SLC13A3: variants seen among roughly 807,000 people sequenced by gnomAD.
The protein encoded by SLC13A3 is solute carrier family 13 member 3.
SLC13A3 carries 40 observed loss-of-function variants against 59.0 expected under a neutral mutation model. The ratio of observed to expected loss-of-function variants is 0.68; its 90% CI spans 0.53 to 0.88. The LOEUF is 0.88. Ranked by LOEUF, SLC13A3 falls within the 40% of genes least tolerant of loss-of-function variation. The probability of loss-of-function intolerance (pLI) is 0.00; values close to 1 mark genes in which losing one functional copy is unlikely to be tolerated. For missense variants in SLC13A3, 699 were observed against 783.2 expected (o/e 0.89, Z 1.28); for synonymous variants, 317 against 330.3 (o/e 0.96, Z 0.44).
chr20:46,588,224 A>G (rs1448507848), intron 7 of SLC13A3, 61 bp from the exon 8 acceptor site: 1 of 1,048,158 alleles, frequency 9.5e-7, no homozygotes, highest in African/African-American at 1.6e-5. Flanking sequence ...CGCAGCAGGC[A>G]CAGGCTCAGG....
intron 1 of SLC13A3, among the ~76,000 whole-genome samples, chr20:46,618,398 G>C (rs757658481): frequency 6.6e-6 from 1 of 152,228 alleles, no homozygotes; most frequent in African/African-American, 2.4e-5. Context: ...CAGCCAGTGG[G>C]GTCTGAGAAG....
chr20:46,563,716 G>T (rs1165863038), intron 11 of SLC13A3, among the ~76,000 whole-genome samples, 165 bp from the exon 12 acceptor site: 8 of 152,142 alleles, frequency 5.3e-5, no homozygotes, highest in African/African-American at 1.7e-4. Context: ...GAGAACAACA[G>T]GGACAAGTGA....
chr20:46,675,256 G>T (rs991471010), intron 1 of SLC13A3, among the ~76,000 whole-genome samples: 28 of 151,954 alleles, frequency 1.8e-4, no homozygotes, highest in African/African-American at 6.5e-4. Flanking sequence ...AGGAGATGGA[G>T]TCTCACTCTG....
At chr20:46,585,528 T>C in intron 8 of SLC13A3, 1 of 1,034,466 alleles carries the variant, frequency 9.7e-7, no homozygotes, top group Non-Finnish European at 1.2e-6. Context: ...TGAGGTATAA[T>C]TAACATGCAA....
At chr20:46,606,605 G>A (rs1482992999) in intron 3 of SLC13A3, among the ~76,000 whole-genome samples, 1 of 152,194 alleles carries the variant, frequency 6.6e-6, no homozygotes, top group Non-Finnish European at 1.5e-5. Context: ...TTGGGAGGCC[G>A]AGGCTAGAGG....
chr20:46,654,532 T>A (rs116669107), upstream of SLC13A3, among the ~76,000 whole-genome samples: 850 of 151,592 alleles, frequency 5.6e-3, 4 homozygotes, highest in African/African-American at 0.02. Context: ...TCAGGTATAA[T>A]TTTTTTTTCT....
At chr20:46,652,123 A>G (rs1180556298), upstream of SLC13A3, among the ~76,000 whole-genome samples, 1 of 152,208 alleles carries the variant, frequency 6.6e-6, no homozygotes, top group Non-Finnish European at 1.5e-5. Flanking sequence ...GGATCAGGAA[A>G]AATAACTAAT....
intron 1 of SLC13A3, among the ~76,000 whole-genome samples, chr20:46,638,267 T>C (rs2122843400): frequency 6.6e-6 from 1 of 152,296 alleles, no homozygotes; most frequent in Admixed American, 6.5e-5. Flanking sequence ...CAGAGAATTC[T>C]GAGCGGGGCC....
intron 11 of SLC13A3, among the ~76,000 whole-genome samples, chr20:46,564,872 A>T (rs2061965978): frequency 6.6e-6 from 1 of 152,260 alleles, no homozygotes; most frequent in Non-Finnish European, 1.5e-5. Flanking sequence ...CTGTCCATTT[A>T]TAATGGAATA....
At chr20:46,631,088 A>T (rs780197891) in intron 1 of SLC13A3, among the ~76,000 whole-genome samples, 3 of 152,238 alleles carry the variant, frequency 2.0e-5, no homozygotes, top group Non-Finnish European at 2.9e-5. Context: ...TACTTAAAAT[A>T]TGAGAGTCAG....
At position 46,583,660 on chromosome 20, in the gene SLC13A3, A is replaced by G. The variant is rs199709604; in HGVS notation, c.1131T>C (p.Ser377=). Residue 377 remains serine, a synonymous_variant, in exon 9 of 13, where the codon TCT becomes TCC. Transcript: ENST00000279027. ...WASLFNPGFL[S]DAVTGVAIVT... is the part of the protein sequence containing the mutation. ...CAATAGCCACGCCGGTGACAGCATC[A>G]GAAAGAAACCTACAATGAGAAGGCC... 5.0e-6 allele frequency: 8 copies of G among 1,614,176 alleles called. No individual in the cohort carries two copies. The East Asian group carries it at 1.3e-4, about 27-fold the overall frequency.
intron 9 of SLC13A3, chr20:46,582,639 G>A (rs1267280831): frequency 1.1e-5 from 11 of 984,842 alleles, no homozygotes; most frequent in African/African-American, 5.3e-5. Context: ...AACTGTTTAT[G>A]GAGCTTGCAA....
chr20:46,588,418 C>T (rs973325156), intron 7 of SLC13A3, among the ~76,000 whole-genome samples: 2 of 152,070 alleles, frequency 1.3e-5, no homozygotes, highest in Non-Finnish European at 2.9e-5. Flanking sequence ...TCCCCGAAAT[C>T]GCGTGTTTCA....
intron 1 of SLC13A3, among the ~76,000 whole-genome samples, chr20:46,661,521 T>C (rs1235149347): frequency 6.6e-6 from 1 of 152,168 alleles, no homozygotes; most frequent in Admixed American, 6.5e-5. Flanking sequence ...CCCAGAAGAG[T>C]TACCCAGTTT....
chr20:46,597,733 A>G (rs2062329074), intron 4 of SLC13A3, among the ~76,000 whole-genome samples: 1 of 152,234 alleles, frequency 6.6e-6, no homozygotes, highest in Non-Finnish European at 1.5e-5. Context: ...CACCGCGGTA[A>G]AAATGCATCT....
intron 3 of SLC13A3, among the ~76,000 whole-genome samples, chr20:46,603,940 G>A (rs1320392481): frequency 1.3e-5 from 2 of 148,948 alleles, no homozygotes; most frequent in Admixed American, 6.7e-5. Context: ...GCAGTGAACC[G>A]TGATCATGCC....
At chr20:46,657,650 T>C (rs1014419857) in intron 1 of SLC13A3, among the ~76,000 whole-genome samples, 1 of 152,052 alleles carries the variant, frequency 6.6e-6, no homozygotes, top group African/African-American at 2.4e-5. Flanking sequence ...TAAAGAAATA[T>C]GTGAGGCTGA....
At chr20:46,656,657 A>G (rs2062996683) in intron 1 of SLC13A3, among the ~76,000 whole-genome samples, 1 of 150,190 alleles carries the variant, frequency 6.7e-6, no homozygotes, top group Admixed American at 6.7e-5. Context: ...ATTATTATAT[A>G]TATAGCCAAA....
chr20:46,632,917 A>AGC (rs1568947718), intron 1 of SLC13A3, among the ~76,000 whole-genome samples: 1 of 12,476 alleles, frequency 8.0e-5, no homozygotes, highest in African/African-American at 3.5e-4. Context: ...AGATATATCT[A>AGC]TCTATCTATC....
Sources: allele counts gnomAD v4.1 joint callset (sites outside exome capture counted in the v4.1 genomes callset), GRCh38; gene constraint gnomAD v4.1.1; transcripts MANE v1.5; gene names NCBI Gene and HGNC (gene_info 2026-07-23, HGNC 2026-07-21).